The following SLC22A11 variants were observed in gnomAD, a reference collection of about 807,000 sequenced individuals.
SLC22A11 encodes the protein solute carrier family 22 member 11.
Under a neutral mutation model 49.4 loss-of-function variants are expected in SLC22A11, and 42 were observed. The ratio of observed to expected loss-of-function variants is 0.85; its 90% confidence interval spans 0.66 to 1.10. SLC22A11 has a LOEUF of 1.10. SLC22A11 is among the 50% of genes least tolerant of loss of function. SLC22A11 has a pLI of 0.00. For synonymous variants in SLC22A11, 304 were observed against 315.8 expected, an observed-to-expected ratio of 0.96 and a Z score of 0.40; for missense variants, 685 against 731.6, an observed-to-expected ratio of 0.94 and a Z score of 0.74.
At position 64,562,779 on chromosome 11, in the gene SLC22A11, G is replaced by C. The variant is rs1452768024; in HGVS notation, c.821+344G>C. 2.0e-5 allele frequency among the ~76,000 whole-genome samples: 3 copies of C among 152,158 alleles called. No individual in the cohort carries two copies. In the South Asian group the frequency reaches 6.2e-4, roughly 32 times the overall value. ...AAAAACAGTATTTTTTACCTTCTTT[G>C]GAAAAACTGGAAGATCCAGGGGCAC... On this transcript the variant is annotated intron_variant, in intron 4 of 9. Transcript: ENST00000301891. This position sits in a 1 kb window ranked among gnomAD's most constrained non-coding sequence, Gnocchi z 4.4.
chr11:64,571,303 C>T lies in SLC22A11; in HGVS notation c.*261C>T, dbSNP rs768802437. The T allele has an allele frequency of 1.4e-5, 7 of 483,604 alleles. No homozygotes were observed. The highest frequency in any genetic ancestry group is 3.6e-5 in the Admixed American group (1 of 27,500). 30.0% of individuals were successfully genotyped at this position (483,604 alleles called of 1,614,324 possible). On this transcript the variant is annotated 3_prime_UTR_variant, in exon 10 of 10. Transcript: ENST00000301891. ...AGCCTGTGCAGATGGCCATGCCCAA[C>T]CAATAACGAGACGGTTCCCCTCCCT...
intron 2 of SLC22A11, among the ~76,000 whole-genome samples, chr11:64,560,345 G>A (rs776093731): frequency 6.6e-6 from 1 of 152,046 alleles, no homozygotes; most frequent in African/African-American, 2.4e-5. Flanking sequence ...AATCTCGGAG[G>A]TTGATCTGGT....
In SLC22A11 at chr11:64,569,710, CT is replaced by C; in HGVS notation, c.1442del (p.Leu481ArgfsTer3). On this transcript the variant is annotated frameshift_variant, in exon 9 of 10. Transcript: ENST00000301891. LOFTEE classifies it high-confidence loss of function. Reference sequence around the variant, plus strand: ...CCGGCTGGGGGCTATGATGGGTCCCCTGATCCTGATGAGCCGCCAAGCCCTG... The same window carrying C: ...CCGGCTGGGGGCTATGATGGGTCCCCGATCCTGATGAGCCGCCAAGCCCTG... ...VGRLGAMMGP[L>X]ILMSRQALPL... The C allele has an allele frequency of 3.1e-6, 5 of 1,614,170 alleles. No individual in the cohort carries two copies. The highest frequency in any genetic ancestry group is 3.4e-6 in the Non-Finnish European group (4 of 1,180,042).
rs1369138477 is a variant in SLC22A11, at chr11:64,568,783, G to C, written c.1382+5G>C. The C allele has an allele frequency of 6.2e-7, 1 of 1,612,688 alleles. No homozygotes were observed. The highest frequency in any genetic ancestry group is 2.2e-5 in the East Asian group (1 of 44,864). On this transcript the variant is annotated splice_donor_5th_base_variant and intron_variant, in intron 8 of 9. Coordinates refer to ENST00000301891, the MANE Select transcript of SLC22A11 (RefSeq NM_018484.4). ...ACTCTTTCCAACGCCAGTGCGGTAA[G>C]CTGGGCTGCAGGCCATGCCCCAGGG...
In SLC22A11 at chr11:64,571,317, G is replaced by T; in HGVS notation, c.*275G>T. 2.2e-6 allele frequency: 1 copy of T among 445,204 alleles called. No individual in the cohort carries two copies. Among genetic ancestry groups the T allele is most frequent in the East Asian group, 3.8e-5 (1 of 25,976 alleles). The allele number at this position is 445,204 out of a possible 1,614,324, so 27.6% of individuals were successfully genotyped here. On this transcript the variant is annotated 3_prime_UTR_variant, in exon 10 of 10. Coordinates refer to ENST00000301891, the MANE Select transcript of SLC22A11 (RefSeq NM_018484.4). The stretch of plus-strand genomic sequence containing the variant: ...GCCATGCCCAACCAATAACGAGACG[G>T]TTCCCCTCCCTTTCCCTGCCAGGCT...
chr11:64,567,905 C>T, intron 7 of SLC22A11, 92 bp downstream of exon 7: 1 of 1,315,728 alleles, frequency 7.6e-7, no homozygotes, highest in Middle Eastern at 2.6e-4. Flanking sequence ...TCCCTGGCCC[C>T]AGGAGCTGCC....
Position 64,565,115 on chromosome 11 carries a change from A to T in SLC22A11, c.943-107A>T. 1.2e-6 allele frequency: 1 copy of T among 862,646 alleles called. No individual in the cohort carries two copies. The highest frequency in any genetic ancestry group is 1.8e-5 in the South Asian group (1 of 56,318). 53.4% of individuals were successfully genotyped at this position (862,646 alleles called of 1,614,324 possible). A position where few individuals can be genotyped will look rare whatever the true frequency, so the allele number is the denominator to read the frequency against. ...ATCCAGCTTCCAGAGGCCGAGGCCCAGGACAGGCTCCCCGTCACTCTGGCC... is the reference window on the plus strand; with the variant it reads ...ATCCAGCTTCCAGAGGCCGAGGCCCTGGACAGGCTCCCCGTCACTCTGGCC... On this transcript the variant is annotated intron_variant, in intron 5 of 9. Transcript: ENST00000301891. The surrounding 1 kb of genome is among the most constrained non-coding windows in gnomAD (Gnocchi z 4.1).
chr11:64,570,848 T>C (rs1282722775), intron 9 of SLC22A11, 131 bp from the exon 10 acceptor site: 6 of 768,440 alleles, frequency 7.8e-6, no homozygotes, highest in Non-Finnish European at 1.3e-5. Context: ...CCCGCTTGGG[T>C]ACACAGAAGG....
rs2038617334 is a variant in SLC22A11, at chr11:64,565,798, C to T, written c.1058+461C>T. The stretch of plus-strand genomic sequence containing the variant: ...CACTTCACTGATGGGGAAAGAGGAT[C>T]CCAGAGGGGTAAGGAACAAGCCCAA... On this transcript the variant is annotated intron_variant, in intron 6 of 9. Transcript: ENST00000301891. The surrounding 1 kb of genome is among the most constrained non-coding windows in gnomAD (Gnocchi z 4.1). 1 of 339,458 alleles carries T rather than the reference C, an allele frequency of 2.9e-6. No individual in the cohort carries two copies. Among genetic ancestry groups the T allele is most frequent in the South Asian group, 2.3e-5 (1 of 42,682 alleles). The allele number at this position is 339,458 out of a possible 1,614,324, so 21.0% of individuals were successfully genotyped here.
rs1565122797 is a variant in SLC22A11, at chr11:64,565,256, C to T, written c.977C>T (p.Ser326Phe). 1 of 1,549,334 alleles carries T rather than the reference C, an allele frequency of 6.5e-7. No homozygotes were observed. Residue 326 changes from serine (S) to phenylalanine (F), a missense_variant, in exon 6 of 10, where the codon TCT becomes TTT. Physicochemically the swap from Ser to Phe is radical, Grantham distance 155. Coordinates refer to ENST00000301891, the MANE Select transcript of SLC22A11 (RefSeq NM_018484.4). This position sits in a 1 kb window ranked among gnomAD's most constrained non-coding sequence, Gnocchi z 4.1. ...LMSSVKEEVA[S>F]AKEPRSVLDL... ...TCCAGCGTGAAGGAGGAGGTGGCCTCTGCAAAGGAGCCGCGGTCGGTGCTG... is the reference window on the plus strand; with the variant it reads ...TCCAGCGTGAAGGAGGAGGTGGCCTTTGCAAAGGAGCCGCGGTCGGTGCTG...
intron 4 of SLC22A11, among the ~76,000 whole-genome samples, chr11:64,563,638 A>AAAAAAAAAC (rs2038581856): frequency 7.1e-6 from 1 of 141,530 alleles, no homozygotes; most frequent in Admixed American, 7.5e-5. Flanking sequence ...AAAAAAAAAA[A>AAAAAAAAAC]GGCCGGGCAC....
chr11:64,559,583 C>T (rs1349090385), intron 2 of SLC22A11, among the ~76,000 whole-genome samples: 1 of 152,198 alleles, frequency 6.6e-6, no homozygotes, highest in African/African-American at 2.4e-5. Context: ...GTCCTGGCTC[C>T]CCATCCTCCT....
At position 64,556,009 on chromosome 11, in the gene SLC22A11, T is replaced by G. The variant is rs1484605210; in HGVS notation, c.10T>G (p.Ser4Ala). The change falls in exon 1 of 10, where the codon TCG becomes GCG. Residue 4 changes from serine (S) to alanine (A), a missense_variant. Coordinates refer to ENST00000301891, the MANE Select transcript of SLC22A11 (RefSeq NM_018484.4). ...CGAGGCAGCTCTGTTCATGGCGTTC[T>G]CGAAGCTCTTGGAGCAAGCCGGAGG... MAF[S>A]KLLEQAGGVG... The G allele has an allele frequency of 6.2e-7, 1 of 1,607,722 alleles. No individual in the cohort carries two copies. Among genetic ancestry groups the G allele is most frequent in the Admixed American group, 1.7e-5 (1 of 59,894 alleles).
At chr11:64,559,297 G>T in intron 2 of SLC22A11, 59 bp downstream of exon 2, 1 of 1,307,890 alleles carries the variant, frequency 7.6e-7, no homozygotes, top group Non-Finnish European at 1.0e-6. Context: ...GAAGACTATG[G>T]GGCAGAAGGT....
chr11:64,569,740 C>G lies in SLC22A11; in HGVS notation c.1471C>G (p.Leu491Val), dbSNP rs77086875. 3.1e-4 allele frequency: 495 copies of G among 1,614,176 alleles called. 2 individuals are homozygous for G. In the Middle Eastern group the frequency reaches 3.8e-3, roughly 12 times the overall value. Reference sequence around the variant, plus strand: ...CCTGATGAGCCGCCAAGCCCTGCCCCTGCTGCCTCCTCTCCTCTATGGCGT... The same window carrying G: ...CCTGATGAGCCGCCAAGCCCTGCCCGTGCTGCCTCCTCTCCTCTATGGCGT... ...LILMSRQALP[L>V]LPPLLYGVIS... Residue 491 changes from leucine (L) to valine (V), a missense_variant, in exon 9 of 10, where the codon CTG becomes GTG. Transcript: ENST00000301891.
intron 6 of SLC22A11, among the ~76,000 whole-genome samples, chr11:64,566,910 C>A (rs781478301): frequency 1.3e-5 from 2 of 152,166 alleles, no homozygotes; most frequent in African/African-American, 4.8e-5. Flanking sequence ...AATTTAAATA[C>A]CGTAAATTCA....
At chr11:64,568,892 C>T (rs532584329) in intron 8 of SLC22A11, 114 bp downstream of exon 8, 11 of 855,922 alleles carry the variant, frequency 1.3e-5, no homozygotes, top group South Asian at 1.0e-4. Flanking sequence ...CGCTCAGGGT[C>T]CCCCCCAGGA....
chr11:64,567,797 C>A lies in SLC22A11; in HGVS notation c.1257C>A (p.Asn419Lys). 6.2e-7 allele frequency: 1 copy of A among 1,600,398 alleles called. No individual in the cohort carries two copies. Among genetic ancestry groups the A allele is most frequent in the South Asian group, 1.1e-5 (1 of 89,960 alleles). ...QAMAGLAILA[N>K]MLVPQDLQTL... ...TGGCCGGCCTCGCCATTCTAGCCAA[C>A]ATGCTGGTGCCGCAAGGTGAGGCAG... is the stretch of plus-strand genomic sequence containing the variant. The change falls in exon 7 of 10, where the codon AAC (asparagine) becomes AAA (lysine). Residue 419 changes from asparagine to lysine, a missense_variant. Transcript: ENST00000301891.
Position 64,571,664 on chromosome 11 carries a change from T to G in SLC22A11, c.*622T>G, listed in dbSNP as rs1591378713. 6.6e-6 allele frequency: 1 copy of G among 152,612 alleles called. No homozygotes were observed. The highest frequency in any genetic ancestry group is 1.5e-5 in the Non-Finnish European group (1 of 68,262). The allele number at this position is 152,612 out of a possible 1,614,324, so 9.5% of individuals were successfully genotyped here. A position where few individuals can be genotyped will look rare whatever the true frequency, so the allele number is the denominator to read the frequency against. ...TGTCCTCTCCAAAAAAAGGAGCTGT[T>G]TTAATCACTTTTCATTTACTCATCA... On this transcript the variant is annotated 3_prime_UTR_variant, in exon 10 of 10. Transcript: ENST00000301891.
Sources: allele counts gnomAD v4.1 joint callset (sites outside exome capture counted in the v4.1 genomes callset), GRCh38; gene constraint gnomAD v4.1.1; non-coding constraint Gnocchi (gnomAD v3.1); transcripts MANE v1.5; gene names NCBI Gene and HGNC (gene_info 2026-07-23, HGNC 2026-07-21).